UACA: variants seen among roughly 807,000 people sequenced by gnomAD.
UACA encodes uveal autoantigen with coiled-coil domains and ankyrin repeats, also known as nuclear membrane binding protein.
UACA carries 112 observed loss-of-function variants against 160.5 expected under a neutral mutation model. The ratio of observed to expected loss-of-function variants is 0.70; its 90% CI spans 0.60 to 0.82. The LOEUF (loss-of-function observed/expected upper bound fraction) is 0.82, where lower values mean the gene tolerates loss of function less well. UACA is among the 40% of genes least tolerant of loss of function. UACA has a pLI of 0.00. For missense variants in UACA, 1,574 were observed against 1,614.6 expected (o/e 0.97, Z 0.43); for synonymous variants, 557 against 568.4 (o/e 0.98, Z 0.29).
At position 70,759,882 on chromosome 15, in the gene UACA, A is replaced by AT. The variant is rs1595929339; in HGVS notation, c.78+3447dup. 2.6e-5 allele frequency among the ~76,000 whole-genome samples: 4 copies of AT among 152,210 alleles called. No individual in the cohort carries two copies. The East Asian group carries it at 7.7e-4, about 29-fold the overall frequency. On this transcript the variant is annotated intron_variant, in intron 1 of 18. Transcript: ENST00000322954. The stretch of plus-strand genomic sequence containing the variant: ...AATAGTACTATTCAGAATATTCAAA[A>AT]TTACTACTTTTGCCCATAATCTGCA...
intron 13 of UACA, among the ~76,000 whole-genome samples, chr15:70,675,372 T>C (rs1160511837): frequency 6.6e-6 from 1 of 152,226 alleles, no homozygotes; most frequent in Non-Finnish European, 1.5e-5. Context: ...TTCTGAATAA[T>C]CTTGAAAATT....
chr15:70,751,893 TA>T (rs947541557), intron 1 of UACA, among the ~76,000 whole-genome samples: 2 of 150,934 alleles, frequency 1.3e-5, no homozygotes, highest in Non-Finnish European at 3.0e-5. Flanking sequence ...TGTTAATTTT[TA>T]AAAAAAAACA....
intron 13 of UACA, 37 bp downstream of exon 13, chr15:70,676,443 CTTACCATTACCCA>C (rs1566969909): frequency 1.6e-6 from 2 of 1,259,570 alleles, no homozygotes; most frequent in East Asian, 4.7e-5. Context: ...TGCCAAGAGC[CTTACCATTACCCA>C]TTATGAATTA....
intron 1 of UACA, among the ~76,000 whole-genome samples, chr15:70,700,280 A>C (rs1898299943): frequency 8.1e-6 from 1 of 122,754 alleles, no homozygotes; most frequent in Non-Finnish European, 1.7e-5. Flanking sequence ...ACTGTTGGAA[A>C]TATATTTATG....
chr15:70,767,116 T>C (rs375573799), upstream of UACA, among the ~76,000 whole-genome samples: 2,233 of 151,638 alleles, frequency 0.015, 54 homozygotes, highest in African/African-American at 0.051. Context: ...GGCAGGCACC[T>C]GTAGTCCCAG....
At chr15:70,729,085 G>A (rs1342028068) in intron 1 of UACA, among the ~76,000 whole-genome samples, 1 of 152,210 alleles carries the variant, frequency 6.6e-6, no homozygotes, top group Non-Finnish European at 1.5e-5. Context: ...TATACTGCTG[G>A]TGGGAATGTA....
At chr15:70,714,728 T>G (rs1898777470) in intron 1 of UACA, among the ~76,000 whole-genome samples, 2 of 152,200 alleles carry the variant, frequency 1.3e-5, no homozygotes, top group Non-Finnish European at 2.9e-5. Flanking sequence ...TGCCAAGATT[T>G]CCTAACCACC....
chr15:70,763,514 C>A lies in UACA; in HGVS notation c.-107G>T. The stretch of plus-strand genomic sequence containing the variant: ...GCAGAGGCGGCGCGGGCTGTACCAG[C>A]CCCACCTGCCTGCCACCTGCGGGCC... On this transcript the variant is annotated 5_prime_UTR_variant, in exon 1 of 19. Coordinates refer to ENST00000322954, the MANE Select transcript of UACA (RefSeq NM_018003.4). The A allele has an allele frequency of 1.6e-6, 2 of 1,248,814 alleles. No homozygotes were observed. The highest frequency in any genetic ancestry group is 2.0e-6 in the Non-Finnish European group (2 of 991,182). 77.4% of individuals were successfully genotyped at this position (1,248,814 alleles called of 1,614,324 possible). A position where few individuals can be genotyped will look rare whatever the true frequency, so the allele number is the denominator to read the frequency against.
intron 1 of UACA, among the ~76,000 whole-genome samples, chr15:70,745,206 C>A (rs1041777337): frequency 6.6e-6 from 1 of 151,856 alleles, no homozygotes; most frequent in Non-Finnish European, 1.5e-5. Flanking sequence ...CCGAGGCAGG[C>A]GGACCATGAG....
At chr15:70,750,995 T>C (rs1008664471) in intron 1 of UACA, among the ~76,000 whole-genome samples, 3 of 152,218 alleles carry the variant, frequency 2.0e-5, no homozygotes, top group African/African-American at 7.2e-5. Context: ...TAAATGTCAT[T>C]GAATCGTTCA....
At chr15:70,748,045 A>G (rs1899764188) in intron 1 of UACA, among the ~76,000 whole-genome samples, 1 of 152,160 alleles carries the variant, frequency 6.6e-6, no homozygotes, top group African/African-American at 2.4e-5. Flanking sequence ...TATGCAACCT[A>G]GTGCCTGGCA....
chr15:70,715,860 AGT>A (rs1468462861), intron 1 of UACA, among the ~76,000 whole-genome samples: 1 of 152,228 alleles, frequency 6.6e-6, no homozygotes, highest in Non-Finnish European at 1.5e-5. Flanking sequence ...AAACCTCTTA[AGT>A]GTTGTATATA....
chr15:70,728,563 C>CAAA (rs1213851064), intron 1 of UACA, among the ~76,000 whole-genome samples: 1 of 87,740 alleles, frequency 1.1e-5, no homozygotes, highest in African/African-American at 3.9e-5. Flanking sequence ...AACCCCATCT[C>CAAA]AAAAAAAAAA....
At chr15:70,661,464 CTT>C (rs1195338396) in intron 17 of UACA, 1 of 152,162 alleles carries the variant, frequency 6.6e-6, no homozygotes, top group African/African-American at 2.4e-5. Context: ...ACACTATACT[CTT>C]TGGATAAGAT....
At chr15:70,743,067 TA>T (rs1566996882) in intron 1 of UACA, among the ~76,000 whole-genome samples, 1 of 152,166 alleles carries the variant, frequency 6.6e-6, no homozygotes, top group East Asian at 1.9e-4. Flanking sequence ...CCTTAAGGTA[TA>T]GGACTGAGGT....
At chr15:70,725,883 G>A (rs2093192672) in intron 1 of UACA, among the ~76,000 whole-genome samples, 1 of 152,118 alleles carries the variant, frequency 6.6e-6, no homozygotes, top group Non-Finnish European at 1.5e-5. Context: ...CCAACACATA[G>A]AAATGATAAA....
At chr15:70,718,319 A>AATGTGTGT (rs1566989707) in intron 1 of UACA, among the ~76,000 whole-genome samples, 7 of 93,942 alleles carry the variant, frequency 7.5e-5, no homozygotes, top group African/African-American at 2.2e-4. Context: ...GGAGAGAGAG[A>AATGTGTGT]GAGAATGTGT....
At position 70,669,382 on chromosome 15, in the gene UACA, C is replaced by T. The variant is rs570402849; in HGVS notation, c.1302G>A (p.Thr434=). ...RPLELSLPSQ[T]SYSENEILKK... ...TTAAAATTTCATTTTCAGAGTATGA[C>T]GTTTGACTGGGTAAAGATAGTTCCA... Residue 434 remains threonine (T), a synonymous_variant, in exon 16 of 19, where the codon ACG becomes ACA. Transcript: ENST00000322954. 7 of 1,613,460 alleles carry T rather than the reference C, an allele frequency of 4.3e-6. No individual in the cohort carries two copies. Among genetic ancestry groups the T allele is most frequent in the African/African-American group, 1.3e-5 (1 of 74,856 alleles).
In UACA at chr15:70,667,932, T is replaced by C; in HGVS notation, c.2752A>G (p.Ile918Val). The C allele has an allele frequency of 6.2e-7, 1 of 1,613,634 alleles. No individual in the cohort carries two copies. Among genetic ancestry groups the C allele is most frequent in the Non-Finnish European group, 8.5e-7 (1 of 1,179,816 alleles). ...GCCAGGCTGATGTACTCAGCTTTTA[T>C]TTGGTTCTGAGTGTTTTCCAGGTTT... ...KRNLENTQNQ[I>V]KAEYISLAEH... Residue 918 changes from isoleucine to valine, a missense_variant, in exon 16 of 19, where the codon ATA (isoleucine) becomes GTA (valine). By Grantham distance (29) the Ile-to-Val change is conservative. Transcript: ENST00000322954.
Sources: allele counts gnomAD v4.1 joint callset (sites outside exome capture counted in the v4.1 genomes callset), GRCh38; gene constraint gnomAD v4.1.1; transcripts MANE v1.5; gene names NCBI Gene and HGNC (gene_info 2026-07-23, HGNC 2026-07-21).